Variants in PRIM2 observed in about 807,000 individuals in gnomAD.
The protein encoded by PRIM2 is DNA primase large subunit.
PRIM2 carries 39 observed loss-of-function variants against 67.3 expected under a neutral mutation model. The ratio of observed to expected loss-of-function variants is 0.58; its 90% CI spans 0.45 to 0.76. PRIM2 has a LOEUF of 0.76. PRIM2 is among the 30% of genes least tolerant of loss of function. The pLI, the probability that PRIM2 is intolerant of heterozygous loss-of-function variation, is 0.00. For missense variants in PRIM2, 398 were observed against 598.7 expected, an observed-to-expected ratio of 0.66 and a Z score of 3.50; for synonymous variants, 143 against 198.7, an observed-to-expected ratio of 0.72 and a Z score of 2.36.
chr6:57,544,599 C>T (rs1246334237), intron 10 of PRIM2, among the ~76,000 whole-genome samples: 50,072 of 151,944 alleles, frequency 0.33, 9,552 homozygotes, highest in African/African-American at 0.52. Context: ...AACTATTTTC[C>T]GGCTAGCATA....
chr6:57,459,860 G>A (rs927049529), intron 7 of PRIM2, among the ~76,000 whole-genome samples: 3 of 152,210 alleles, frequency 2.0e-5, no homozygotes, highest in African/African-American at 7.2e-5. Flanking sequence ...GTGCCACCTC[G>A]ATTAGTATTT....
chr6:57,367,354 C>T (rs894643909), intron 5 of PRIM2, among the ~76,000 whole-genome samples: 1 of 151,966 alleles, frequency 6.6e-6, no homozygotes, highest in Non-Finnish European at 1.5e-5. Flanking sequence ...CTCCTTTATA[C>T]ATTTAAATGA....
chr6:57,254,580 C>G, the PRIM2 span, among the ~76,000 whole-genome samples: 18 of 152,260 alleles, frequency 1.2e-4, no homozygotes, highest in African/African-American at 4.3e-4. Context: ...AAAAGCCCAC[C>G]AGGAGTTTTG....
At chr6:57,304,772 A>G in the PRIM2 span, among the ~76,000 whole-genome samples, 2 of 152,226 alleles carry the variant, frequency 1.3e-5, no homozygotes, top group African/African-American at 4.8e-5. Flanking sequence ...GTAGAAGTAG[A>G]TGAGAAGTCT....
Position 57,606,260 on chromosome 6 carries a change from T to A in PRIM2, c.1148-115T>A, listed in dbSNP as rs1440612112. On this transcript the variant is annotated intron_variant, in intron 11 of 13. Coordinates refer to ENST00000615550, the MANE Select transcript of PRIM2 (RefSeq NM_000947.5). ...GCACCCATGGGCAATTACCTTTTTT[T>A]ATTAATAAGCTGTTAGACAATTAAG... The A allele has an allele frequency of 1.4e-4, 104 of 741,462 alleles. 1 individual carries two copies. The Middle Eastern group carries it at 6.7e-3, about 48-fold the overall frequency. The allele number at this position is 741,462 out of a possible 1,614,324, so 45.9% of individuals were successfully genotyped here.
At chr6:57,394,371 T>G (rs1770452273) in intron 7 of PRIM2, among the ~76,000 whole-genome samples, 5 of 152,166 alleles carry the variant, frequency 3.3e-5, no homozygotes, top group Non-Finnish European at 5.9e-5. Flanking sequence ...TGTAGAGGTC[T>G]TTTGACTCCT....
At chr6:57,576,146 C>CTG (rs1775960985) in intron 10 of PRIM2, among the ~76,000 whole-genome samples, 1 of 151,904 alleles carries the variant, frequency 6.6e-6, no homozygotes, top group Non-Finnish European at 1.5e-5. Flanking sequence ...ATGTTCCCAA[C>CTG]ATGTTGGGAA....
At chr6:57,464,882 G>A (rs1773135020) in intron 7 of PRIM2, among the ~76,000 whole-genome samples, 1 of 152,052 alleles carries the variant, frequency 6.6e-6, no homozygotes, top group South Asian at 2.1e-4. Flanking sequence ...TATACTTTAA[G>A]GTAGGTACTA....
At chr6:57,592,923 G>T (rs1300716954) in intron 10 of PRIM2, among the ~76,000 whole-genome samples, 1 of 152,118 alleles carries the variant, frequency 6.6e-6, no homozygotes, top group Non-Finnish European at 1.5e-5. Context: ...TGTTTGAATA[G>T]ATTTGGGCAT....
At chr6:57,613,137 T>TA (rs1486287482) in intron 12 of PRIM2, among the ~76,000 whole-genome samples, 1 of 152,106 alleles carries the variant, frequency 6.6e-6, no homozygotes, top group Non-Finnish European at 1.5e-5. Flanking sequence ...GTAAGTAGCA[T>TA]AATGAGCCAA....
intron 8 of PRIM2, among the ~76,000 whole-genome samples, chr6:57,526,657 A>G: frequency 6.6e-6 from 1 of 152,342 alleles, no homozygotes; most frequent in African/African-American, 2.4e-5. Flanking sequence ...TAGGAGTAGG[A>G]AAGCTTTTAT....
intron 5 of PRIM2, among the ~76,000 whole-genome samples, chr6:57,370,610 G>A (rs1268901932): frequency 6.6e-6 from 1 of 151,512 alleles, no homozygotes; most frequent in Non-Finnish European, 1.5e-5. Context: ...AATTTAGATC[G>A]AAGTGCATGA....
intron 5 of PRIM2, among the ~76,000 whole-genome samples, chr6:57,363,916 CT>C (rs1769273320): frequency 2.6e-5 from 4 of 152,120 alleles, no homozygotes; most frequent in Admixed American, 2.6e-4. Flanking sequence ...TAGTCATTCA[CT>C]TTTCATCCTC....
the PRIM2 span, among the ~76,000 whole-genome samples, chr6:57,225,969 G>C: frequency 6.6e-6 from 1 of 152,060 alleles, no homozygotes; most frequent in African/African-American, 2.4e-5. Context: ...TACTGATTCA[G>C]TTTTTCTGTT....
At chr6:57,391,497 G>T (rs1770343421) in intron 7 of PRIM2, among the ~76,000 whole-genome samples, 1 of 152,032 alleles carries the variant, frequency 6.6e-6, no homozygotes, top group Non-Finnish European at 1.5e-5. Flanking sequence ...CATTGCTTTG[G>T]ATTTTACATT....
intron 7 of PRIM2, among the ~76,000 whole-genome samples, chr6:57,392,772 C>T (rs1465172063): frequency 6.6e-6 from 1 of 151,562 alleles, no homozygotes. Context: ...TTTTGGTGTA[C>T]CCATCACCCG....
chr6:57,334,819 G>A (rs1462775198), intron 5 of PRIM2, among the ~76,000 whole-genome samples: 2 of 152,276 alleles, frequency 1.3e-5, no homozygotes, highest in East Asian at 1.9e-4. Context: ...GAAGAAGTTC[G>A]GAGTCAATTA....
chr6:57,434,583 A>G (rs1434033405), intron 7 of PRIM2, among the ~76,000 whole-genome samples: 7 of 152,200 alleles, frequency 4.6e-5, no homozygotes, highest in Non-Finnish European at 1.0e-4. Context: ...TTACCCATAT[A>G]GTAAAATCAA....
At chr6:57,361,812 G>A (rs1769210078) in intron 5 of PRIM2, among the ~76,000 whole-genome samples, 1 of 152,112 alleles carries the variant, frequency 6.6e-6, no homozygotes. Flanking sequence ...TAGTTGAAGA[G>A]AGCAGGAAAA....
Sources: allele counts gnomAD v4.1 joint callset (sites outside exome capture counted in the v4.1 genomes callset), GRCh38; gene constraint gnomAD v4.1.1; transcripts MANE v1.5; gene names NCBI Gene and HGNC (gene_info 2026-07-23, HGNC 2026-07-21).